C6orf62: variants seen among roughly 807,000 people sequenced by gnomAD.
The protein encoded by C6orf62 is uncharacterized protein C6orf62.
A neutral mutation model predicts 26.8 loss-of-function variants in C6orf62; 16 were observed. The ratio of observed to expected loss-of-function variants is 0.60; its 90% confidence interval spans 0.40 to 0.91. C6orf62 has a LOEUF of 0.91. Among genes scored for constraint, C6orf62 ranks in the 40% least tolerant of loss-of-function variants. C6orf62 has a pLI of 0.00. For synonymous variants in C6orf62, 112 were observed against 91.5 expected (o/e 1.22, Z -1.28); for missense variants, 192 against 271.4 (o/e 0.71, Z 2.06).
chr6:24,720,154 C>A, upstream of C6orf62: 1 of 1,365,030 alleles, frequency 7.3e-7, no homozygotes, highest in Admixed American at 3.5e-5. Context: ...ATTGAGGCAG[C>A]TAGGGCGGGG....
At position 24,718,923 on chromosome 6, in the gene C6orf62, G is replaced by C. The variant is rs2127637092; in HGVS notation, c.-255C>G. On this transcript the variant is annotated 5_prime_UTR_variant, in exon 1 of 5. Coordinates refer to ENST00000378119, the MANE Select transcript of C6orf62 (RefSeq NM_030939.5). ...ACGTTTGGGGTCAGACGGGAAAAAGGGAGGAAAGAAAGGAAAGAAAGAGGA... is the reference window on the plus strand; with the variant it reads ...ACGTTTGGGGTCAGACGGGAAAAAGCGAGGAAAGAAAGGAAAGAAAGAGGA... 7.8e-7 allele frequency: 1 copy of C among 1,274,182 alleles called. No individual in the cohort carries two copies. The highest frequency in any genetic ancestry group is 3.1e-4 in the Middle Eastern group (1 of 3,222). The allele number at this position is 1,274,182 out of a possible 1,614,324, so 78.9% of individuals were successfully genotyped here.
At chr6:24,712,665 C>G (rs1779144296) in intron 3 of C6orf62, among the ~76,000 whole-genome samples, 1 of 129,432 alleles carries the variant, frequency 7.7e-6, no homozygotes, top group African/African-American at 3.1e-5. Context: ...GCACTCCAAT[C>G]TGGCAACAGA....
intron 3 of C6orf62, among the ~76,000 whole-genome samples, chr6:24,712,084 AAAGT>A (rs1483826558): frequency 6.6e-6 from 1 of 152,138 alleles, no homozygotes; most frequent in Non-Finnish European, 1.5e-5. Flanking sequence ...AAATATATAT[AAAGT>A]AAGAGAAAGT....
At chr6:24,712,453 G>A (rs943340899) in intron 3 of C6orf62, among the ~76,000 whole-genome samples, 4 of 151,916 alleles carry the variant, frequency 2.6e-5, no homozygotes, top group African/African-American at 4.8e-5. Flanking sequence ...GGTGAATCAC[G>A]AGGTCAAGAG....
chr6:24,719,365 G>C (rs1323478814), upstream of C6orf62: 5 of 1,005,038 alleles, frequency 5.0e-6, no homozygotes, highest in Non-Finnish European at 5.9e-6. Context: ...ATAGAGAAAA[G>C]TGCAAAATCG....
chr6:24,708,716 C>T (rs1779062529), intron 4 of C6orf62, 61 bp downstream of exon 4: 5 of 1,597,932 alleles, frequency 3.1e-6, no homozygotes, highest in Non-Finnish European at 4.3e-6. Context: ...GTATATAAAA[C>T]GTTTACTAAC....
At chr6:24,717,960 A>C (rs928221401) in intron 1 of C6orf62, among the ~76,000 whole-genome samples, 1 of 152,226 alleles carries the variant, frequency 6.6e-6, no homozygotes, top group African/African-American at 2.4e-5. Context: ...CCTCTAGGTC[A>C]TTTTGAGTTT....
intron 1 of C6orf62, 85 bp downstream of exon 1, chr6:24,718,455 A>C (rs976153208): frequency 1.5e-6 from 2 of 1,319,742 alleles, no homozygotes; most frequent in Non-Finnish European, 2.1e-6. Flanking sequence ...CTTTAACCTA[A>C]TATTCATAAT....
At chr6:24,716,619 T>C (rs1779235424) in intron 1 of C6orf62, among the ~76,000 whole-genome samples, 1 of 152,240 alleles carries the variant, frequency 6.6e-6, no homozygotes, top group South Asian at 2.1e-4. Context: ...TCTCACCAGT[T>C]TTAAAACAAC....
chr6:24,713,091 A>C (rs1039179900), intron 3 of C6orf62, among the ~76,000 whole-genome samples: 5 of 152,042 alleles, frequency 3.3e-5, no homozygotes, highest in African/African-American at 1.2e-4. Flanking sequence ...ATCCTGATAA[A>C]CCCAGTGTAA....
In C6orf62 at chr6:24,710,017, T is replaced by C. The variant is rs1002755041; in HGVS notation, c.430-1106A>G. The C allele has an allele frequency of 2.0e-5, 20 of 984,558 alleles. No individual in the cohort carries two copies. The African/African-American group carries it at 3.0e-4, about 15-fold the overall frequency. The allele number at this position is 984,558 out of a possible 1,614,324, so 61.0% of individuals were successfully genotyped here. On this transcript the variant is annotated intron_variant, in intron 3 of 4. Coordinates refer to ENST00000378119, the MANE Select transcript of C6orf62 (RefSeq NM_030939.5). ...TTATAAACCGTAACATAAAATATGA[T>C]ACAGCATCACAATATACCATATGTA...
chr6:24,712,207 C>T (rs919500384), intron 3 of C6orf62, among the ~76,000 whole-genome samples: 1 of 151,942 alleles, frequency 6.6e-6, no homozygotes, highest in African/African-American at 2.4e-5. Context: ...TAGCAAAACT[C>T]CGTCTCTACA....
Position 24,706,120 on chromosome 6 carries a change from T to C in C6orf62, c.*17A>G. ...CTGCTGCATTCTCTGATCTTCTCCA[T>C]TTTGCTGGTCAGTACTCTACTCTGG... On this transcript the variant is annotated 3_prime_UTR_variant, in exon 5 of 5. Coordinates refer to ENST00000378119, the MANE Select transcript of C6orf62 (RefSeq NM_030939.5). 1 of 1,608,974 alleles carries C rather than the reference T, an allele frequency of 6.2e-7. No individual in the cohort carries two copies. The highest frequency in any genetic ancestry group is 8.5e-7 in the Non-Finnish European group (1 of 1,177,788).
At chr6:24,719,735 G>C, upstream of C6orf62, 2 of 1,531,468 alleles carry the variant, frequency 1.3e-6, no homozygotes, top group South Asian at 1.2e-5. Context: ...TTATCTTCTT[G>C]TGAGCATTGC....
Position 24,716,199 on chromosome 6 carries a change from T to C in C6orf62, c.255A>G (p.Leu85=). The C allele has an allele frequency of 6.2e-7, 1 of 1,613,934 alleles. No individual in the cohort carries two copies. Among genetic ancestry groups the C allele is most frequent in the Non-Finnish European group, 8.5e-7 (1 of 1,179,814 alleles). The part of the protein sequence containing the change: ...SYSLESSLEL[L]QKDVVQLHAP... ...CATGGAGCTGTACCACATCCTTCTGTAAAAGCTCTAGGGAACTTTCCAAGG... is the reference window on the plus strand; with the variant it reads ...CATGGAGCTGTACCACATCCTTCTGCAAAAGCTCTAGGGAACTTTCCAAGG... Residue 85 remains leucine, a synonymous_variant, in exon 2 of 5, where the codon TTA becomes TTG. Coordinates refer to ENST00000378119, the MANE Select transcript of C6orf62 (RefSeq NM_030939.5).
chr6:24,709,601 A>C, intron 3 of C6orf62: 1 of 915,716 alleles, frequency 1.1e-6, no homozygotes, highest in Non-Finnish European at 1.3e-6. Flanking sequence ...TTTGCTCCTC[A>C]TAGATAGGCT....
chr6:24,719,356 T>A (rs917791667), upstream of C6orf62: 5 of 1,004,230 alleles, frequency 5.0e-6, no homozygotes, highest in South Asian at 2.0e-4. Context: ...GTGGTGAGCA[T>A]AGAGAAAAGT....
upstream of C6orf62, chr6:24,719,358 G>A (rs189607648): frequency 1.2e-5 from 12 of 1,004,298 alleles, no homozygotes; most frequent in Admixed American, 1.1e-4. Context: ...GGTGAGCATA[G>A]AGAAAAGTGC....
upstream of C6orf62, chr6:24,720,525 A>G (rs534272879): frequency 2.4e-4 from 93 of 391,874 alleles, no homozygotes; most frequent in Admixed American, 5.3e-3. Context: ...AAGAGGAAAA[A>G]CAAAGAGAAA....
Sources: gnomAD v4.1 joint callset for allele counts (sites outside exome capture counted in the v4.1 genomes callset) on GRCh38, gnomAD v4.1.1 for gene constraint, MANE v1.5 for transcripts, NCBI Gene and HGNC (gene_info 2026-07-23, HGNC 2026-07-21) for gene names.